Variants in ADGRV1 observed in about 807,000 individuals in gnomAD.
ADGRV1 encodes the protein adhesion G protein-coupled receptor V1.
A neutral mutation model predicts 596.2 loss-of-function variants in ADGRV1; 359 were observed. That is an observed-to-expected ratio of 0.60 (90% CI 0.55 to 0.66). The LOEUF is 0.66. ADGRV1 is among the 30% of genes least tolerant of loss of function. The pLI is 0.00. For synonymous variants in ADGRV1, 2,681 were observed against 2,679.2 expected (o/e 1.00, Z -0.02); for missense variants, 7,274 against 7,575.6 (o/e 0.96, Z 1.48).
chr5:91,118,516 T>TA (rs1793041945), intron 87 of ADGRV1, among the ~76,000 whole-genome samples: 1 of 152,160 alleles, frequency 6.6e-6, no homozygotes, highest in African/African-American at 2.4e-5. Context: ...ACAGAACCAT[T>TA]ATCACGGATG....
intron 50 of ADGRV1, 97 bp from the exon 51 acceptor site, chr5:90,744,949 T>G (rs994191396): frequency 1.3e-5 from 10 of 783,220 alleles, no homozygotes; most frequent in African/African-American, 6.9e-5. Flanking sequence ...AATGGAACTT[T>G]GAGATTTTGG....
At chr5:90,894,825 G>A (rs2150599119) in intron 83 of ADGRV1, among the ~76,000 whole-genome samples, 2 of 152,284 alleles carry the variant, frequency 1.3e-5, no homozygotes, top group East Asian at 3.9e-4. Context: ...ATATTAAGAA[G>A]CAATGTCTTG....
intron 88 of ADGRV1, 60 bp from the exon 89 acceptor site, chr5:91,153,161 T>C: frequency 7.2e-7 from 1 of 1,389,872 alleles, no homozygotes; most frequent in Admixed American, 2.0e-5. Context: ...TTGGGTTTCA[T>C]AGTGAATGTG....
chr5:90,936,085 A>G (rs1775662331), intron 83 of ADGRV1, among the ~76,000 whole-genome samples: 1 of 152,182 alleles, frequency 6.6e-6, no homozygotes, highest in African/African-American at 2.4e-5. Context: ...AGTTACCAGG[A>G]TGCTTTTTAT....
At chr5:91,136,898 T>A (rs1794681565) in intron 87 of ADGRV1, among the ~76,000 whole-genome samples, 1 of 152,174 alleles carries the variant, frequency 6.6e-6, no homozygotes, top group South Asian at 2.1e-4. Flanking sequence ...TTTGTCAAAT[T>A]ACCGATTACA....
chr5:90,565,436 A>G (rs1755520251), intron 1 of ADGRV1, among the ~76,000 whole-genome samples: 1 of 152,204 alleles, frequency 6.6e-6, no homozygotes, highest in Non-Finnish European at 1.5e-5. Flanking sequence ...GAATCATACA[A>G]TATGTGGCCT....
chr5:90,910,206 G>T (rs1233487280), intron 83 of ADGRV1, among the ~76,000 whole-genome samples: 2 of 152,232 alleles, frequency 1.3e-5, no homozygotes, highest in Non-Finnish European at 2.9e-5. Context: ...TACTACTTGT[G>T]ACGCAGTCAC....
At chr5:90,744,956 T>G in intron 50 of ADGRV1, 90 bp from the exon 51 acceptor site, 1 of 820,068 alleles carries the variant, frequency 1.2e-6, no homozygotes, top group South Asian at 1.7e-5. Context: ...CTTTGAGATT[T>G]TGGAAGATTT....
At chr5:90,715,483 T>C (rs753724794) in intron 42 of ADGRV1, among the ~76,000 whole-genome samples, 1 of 152,172 alleles carries the variant, frequency 6.6e-6, no homozygotes, top group Non-Finnish European at 1.5e-5. Context: ...GAGAGACCAC[T>C]AGGCAAATAG....
Position 90,714,311 on chromosome 5 carries a change from C to T in ADGRV1, c.9184+1883C>T, listed in dbSNP as rs1749794548. Among the ~76,000 whole-genome samples the T allele has an allele frequency of 2.7e-5, 4 of 150,888 alleles. No homozygotes were observed. The South Asian group carries it at 6.3e-4, about 24-fold the overall frequency. ...TACTTTGTGATCCTGTTTTTCGTATCCCTTATGTACTTTCCTGTGGTTTTT... is the reference window on the plus strand; with the variant it reads ...TACTTTGTGATCCTGTTTTTCGTATTCCTTATGTACTTTCCTGTGGTTTTT... On this transcript the variant is annotated intron_variant, in intron 42 of 89. Transcript: ENST00000405460.
At chr5:90,601,924 C>T (rs771058359) in intron 1 of ADGRV1, among the ~76,000 whole-genome samples, 2 of 152,104 alleles carry the variant, frequency 1.3e-5, no homozygotes, top group African/African-American at 2.4e-5. Flanking sequence ...GAGGCTTGGA[C>T]AATAAGGGTA....
At chr5:90,658,639 T>C (rs548145094) in intron 21 of ADGRV1, among the ~76,000 whole-genome samples, 30 of 151,784 alleles carry the variant, frequency 2.0e-4, no homozygotes, top group Non-Finnish European at 4.1e-4. Flanking sequence ...CTTGTATGAA[T>C]AATTGTATTT....
chr5:90,619,101 G>A lies in ADGRV1; in HGVS notation c.373G>A (p.Val125Met). The stretch of plus-strand genomic sequence containing the variant: ...TTTATTTTAGAAACCTTCAGCAAAT[G>A]TGAAGCTTGGATGGCCAAGGACTGT... Reference protein sequence around the residue: ...HLTLQKPSANVKLGWPRTVTV... With the variant: ...HLTLQKPSANMKLGWPRTVTV... The change falls in exon 4 of 90, where the codon GTG becomes ATG. Residue 125 changes from valine to methionine, a missense_variant. Physicochemically the swap from Val to Met is conservative, Grantham distance 21. Around this residue, in one of 5 missense-constraint regions of ADGRV1, gnomAD observed 1,715 missense variants for 1,708.8 expected, o/e 1.00. Transcript: ENST00000405460. The A allele has an allele frequency of 6.9e-7, 1 of 1,458,000 alleles. No homozygotes were observed. The highest frequency in any genetic ancestry group is 9.2e-7 in the Non-Finnish European group (1 of 1,091,854). The allele number at this position is 1,458,000 out of a possible 1,614,324, so 90.3% of individuals were successfully genotyped here. A position where few individuals can be genotyped will look rare whatever the true frequency, so the allele number is the denominator to read the frequency against.
intron 6 of ADGRV1, chr5:90,626,294 G>C (rs955240587): frequency 3.3e-5 from 5 of 152,062 alleles, no homozygotes; most frequent in Admixed American, 6.6e-5. Context: ...GATATCTCCA[G>C]TTCCTCTGGT....
Position 90,617,862 on chromosome 5 carries a change from C to T in ADGRV1, c.266C>T (p.Ala89Val). ...ACATATGCTGCAGCTTTTATACCTG[C>T]CGGAGAAACAAACAGAACAGTGTAC... The part of the protein sequence containing the change: ...FDTYAAAFIP[A>V]GETNRTVYIA... Residue 89 changes from alanine (A) to valine (V), a missense_variant, in exon 3 of 90, where the codon GCC (alanine) becomes GTC (valine). This residue lies in a region of ADGRV1 where 1,715 missense variants were observed against 1,708.8 expected (regional missense o/e 1.00). Transcript: ENST00000405460. The T allele has an allele frequency of 6.3e-7, 1 of 1,599,780 alleles. No homozygotes were observed. The highest frequency in any genetic ancestry group is 8.5e-7 in the Non-Finnish European group (1 of 1,172,238).
intron 52 of ADGRV1, among the ~76,000 whole-genome samples, chr5:90,748,812 A>ATT (rs1561651731): frequency 5.3e-5 from 4 of 75,566 alleles, no homozygotes; most frequent in African/African-American, 1.9e-4. Context: ...TCTATCATCA[A>ATT]GTTTTTTTTT....
At chr5:90,964,144 G>T (rs1211919007) in intron 83 of ADGRV1, among the ~76,000 whole-genome samples, 3 of 152,004 alleles carry the variant, frequency 2.0e-5, no homozygotes, top group Admixed American at 6.6e-5. Context: ...AGAGGATTGG[G>T]GAAGGGTATA....
At chr5:90,727,314 C>T (rs1220239398) in intron 48 of ADGRV1, among the ~76,000 whole-genome samples, 1 of 152,060 alleles carries the variant, frequency 6.6e-6, no homozygotes, top group East Asian at 1.9e-4. Flanking sequence ...CTTGAACTTA[C>T]TCCTTTTTAT....
intron 83 of ADGRV1, among the ~76,000 whole-genome samples, chr5:90,959,779 C>G (rs916615517): frequency 3.3e-5 from 5 of 152,066 alleles, no homozygotes; most frequent in African/African-American, 1.2e-4. Flanking sequence ...GTGAAACAAA[C>G]TAGACACAAA....
Sources: gnomAD v4.1 joint callset for allele counts (sites outside exome capture counted in the v4.1 genomes callset) on GRCh38, gnomAD v4.1.1 for gene constraint, gnomAD v4.1.1 regional missense constraint, MANE v1.5 for transcripts, NCBI Gene and HGNC (gene_info 2026-07-23, HGNC 2026-07-21) for gene names.